CCDC200: variants seen among roughly 807,000 people sequenced by gnomAD.
CCDC200 encodes coiled-coil domain containing 200.
chr17:43,225,662 A>T (rs1416446553), intron 1 of CCDC200, among the ~76,000 whole-genome samples: 3 of 23,076 alleles, frequency 1.3e-4, no homozygotes, highest in African/African-American at 1.5e-4. Flanking sequence ...GACTCCGTCT[A>T]AAAAAAAAAA....
At chr17:43,221,830 C>G (rs1057008625) in intron 3 of CCDC200, among the ~76,000 whole-genome samples, 1 of 152,094 alleles carries the variant, frequency 6.6e-6, no homozygotes, top group Non-Finnish European at 1.5e-5. Context: ...CCATCCAGGC[C>G]AGGCGTGGTG....
chr17:43,226,885 T>C (rs2057572872), intron 1 of CCDC200, among the ~76,000 whole-genome samples: 1 of 152,230 alleles, frequency 6.6e-6, no homozygotes, highest in Non-Finnish European at 1.5e-5. Flanking sequence ...AAATTTACAG[T>C]TGAAAAAGTA....
intron 3 of CCDC200, among the ~76,000 whole-genome samples, chr17:43,222,589 CT>C (rs34235178): frequency 0.29 from 39,871 of 139,648 alleles, 5,392 homozygotes; most frequent in South Asian, 0.4. Context: ...GCATTTTTTC[CT>C]TTTTTTTTTT....
At chr17:43,227,122 G>A (rs942432670) in intron 1 of CCDC200, among the ~76,000 whole-genome samples, 1 of 151,940 alleles carries the variant, frequency 6.6e-6, no homozygotes, top group Admixed American at 6.6e-5. Flanking sequence ...GGGATTACAG[G>A]TGCGCGCCAC....
chr17:43,222,589 C>CTT (rs34235178), intron 3 of CCDC200, among the ~76,000 whole-genome samples: 2 of 139,800 alleles, frequency 1.4e-5, no homozygotes, highest in Non-Finnish European at 3.1e-5. Context: ...GCATTTTTTC[C>CTT]TTTTTTTTTT....
intron 2 of CCDC200, 82 bp downstream of exon 2, chr17:43,224,152 T>G (rs1332426622): frequency 6.5e-6 from 1 of 152,708 alleles, no homozygotes; most frequent in East Asian, 1.9e-4. Context: ...TCTGTAAGGA[T>G]TTTCTGCCCA....
intron 1 of CCDC200, among the ~76,000 whole-genome samples, chr17:43,225,154 C>A (rs1023142012): frequency 2.0e-5 from 3 of 152,070 alleles, no homozygotes; most frequent in Non-Finnish European, 2.9e-5. Context: ...CCACCTCAGC[C>A]TCCTGAGCAG....
At chr17:43,230,915 A>C (rs2057593615), upstream of CCDC200, among the ~76,000 whole-genome samples, 2 of 84,202 alleles carry the variant, frequency 2.4e-5, 1 homozygote, top group African/African-American at 6.1e-5. Context: ...CAGGAGGTGG[A>C]GCTTGCAGTG....
At chr17:43,223,803 T>A (rs1348529986) in intron 2 of CCDC200, 189 bp from the exon 3 acceptor site, 1 of 152,182 alleles carries the variant, frequency 6.6e-6, no homozygotes, top group Admixed American at 6.6e-5. Context: ...GTGCTGTGGT[T>A]CCCTGTTCCA....
chr17:43,227,755 G>T (rs542163506), intron 1 of CCDC200, among the ~76,000 whole-genome samples: 98 of 151,172 alleles, frequency 6.5e-4, no homozygotes, highest in African/African-American at 2.4e-3. Context: ...CAAAGTGCTG[G>T]ATTACAGGTG....
intron 1 of CCDC200, among the ~76,000 whole-genome samples, chr17:43,225,705 T>G (rs2057564432): frequency 2.8e-5 from 1 of 35,908 alleles, no homozygotes; most frequent in African/African-American, 3.8e-5. Flanking sequence ...GCATGCTACA[T>G]GTGTAATTTT....
intron 1 of CCDC200, among the ~76,000 whole-genome samples, chr17:43,227,136 G>A (rs1013799714): frequency 6.6e-5 from 10 of 151,774 alleles, no homozygotes; most frequent in Non-Finnish European, 8.8e-5. Context: ...GCGCCACCAC[G>A]CCCGGCTGAT....
intron 1 of CCDC200, among the ~76,000 whole-genome samples, chr17:43,227,806 A>G (rs1380155718): frequency 6.6e-6 from 1 of 152,154 alleles, no homozygotes; most frequent in Non-Finnish European, 1.5e-5. Context: ...TTTAAAAACT[A>G]AATTAAATTT....
At chr17:43,223,312 C>A (rs1304108978) in intron 3 of CCDC200, among the ~76,000 whole-genome samples, 10 of 143,874 alleles carry the variant, frequency 7.0e-5, no homozygotes, top group African/African-American at 2.5e-4. Flanking sequence ...CCTGCCTCAG[C>A]TTCCCAAGTA....
chr17:43,226,997 A>C (rs1479939721), intron 1 of CCDC200, among the ~76,000 whole-genome samples: 1 of 151,912 alleles, frequency 6.6e-6, no homozygotes, highest in African/African-American at 2.4e-5. Flanking sequence ...TTGTTTTTTA[A>C]GATGGATTTT....
chr17:43,227,109 G>C lies in CCDC200; in HGVS notation c.105+1341C>G, dbSNP rs558629980. 5.3e-5 allele frequency among the ~76,000 whole-genome samples: 8 copies of C among 152,044 alleles called. No individual in the cohort carries two copies. The South Asian group carries it at 6.2e-4, about 12-fold the overall frequency. On this transcript the variant is annotated intron_variant, in intron 1 of 3. Transcript: ENST00000636331. ...TTCCCCTACCTCAGCCTCCCGAGTA[G>C]CTGGGATTACAGGTGCGCGCCACCA...
chr17:43,227,619 G>A (rs1216003795), intron 1 of CCDC200, among the ~76,000 whole-genome samples: 6 of 151,706 alleles, frequency 4.0e-5, no homozygotes, highest in African/African-American at 1.5e-4. Flanking sequence ...CCAGGTAGCT[G>A]GAATTCCAGG....
intron 3 of CCDC200, among the ~76,000 whole-genome samples, chr17:43,223,246 A>T (rs200755975): frequency 0.29 from 24,563 of 84,608 alleles, 6,633 homozygotes; most frequent in East Asian, 0.49. Context: ...ATTTTTTTCA[A>T]TTTTTTTTTT....
At chr17:43,225,292 C>G (rs2154582758) in intron 1 of CCDC200, among the ~76,000 whole-genome samples, 1 of 152,176 alleles carries the variant, frequency 6.6e-6, no homozygotes, top group East Asian at 1.9e-4. Flanking sequence ...CCTCAGCCTC[C>G]CAAAGTGATT....
Sources: gnomAD v4.1 joint callset for allele counts (sites outside exome capture counted in the v4.1 genomes callset) on GRCh38, gnomAD v4.1.1 for gene constraint, MANE v1.5 for transcripts, NCBI Gene and HGNC (gene_info 2026-07-23, HGNC 2026-07-21) for gene names.